Variants in PCDH11X observed in about 807,000 individuals in gnomAD.
PCDH11X encodes the protein protocadherin-11 X-linked.
PCDH11X carries 18 observed loss-of-function variants against 53.3 expected under a neutral mutation model. That is an observed-to-expected ratio of 0.34 (90% CI 0.23 to 0.50). The LOEUF (loss-of-function observed/expected upper bound fraction) is 0.50. Among genes scored for constraint, PCDH11X ranks in the 20% least tolerant of loss-of-function variants. The pLI is 0.98. For missense variants in PCDH11X, 570 were observed against 1,032.4 expected (o/e 0.55, Z 6.14); for synonymous variants, 279 against 393.3 (o/e 0.71, Z 3.44).
intron 6 of PCDH11X, among the ~76,000 whole-genome samples, chrX:92,017,864 G>C (rs2062822053): frequency 9.8e-6 from 1 of 102,552 alleles, no homozygotes; most frequent in South Asian, 4.5e-4. Flanking sequence ...TAAACCTTCA[G>C]ATTAAAAAAA....
rs751322824 is a variant in PCDH11X, at chrX:92,368,538, C to T, written c.3145-19197C>T. On this transcript the variant is annotated intron_variant, in intron 8 of 10. Transcript: ENST00000682573. ...TTCTCCATCCAGTTTTGTGCCCTTG[C>T]TGGAGAGGAGTTGCGATCATTTGGA... 7.2e-5 allele frequency among the ~76,000 whole-genome samples: 8 copies of T among 111,399 alleles called. No individual in the cohort carries two copies. The South Asian group carries it at 3.0e-3, about 42-fold the overall frequency.
intron 6 of PCDH11X, among the ~76,000 whole-genome samples, chrX:91,993,237 G>A (rs1375011901): frequency 2.7e-5 from 3 of 112,853 alleles, no homozygotes; most frequent in Non-Finnish European, 5.6e-5. Flanking sequence ...ATTTGTTAAA[G>A]TTTAGAGTCC....
rs761752432 is a variant in PCDH11X, at chrX:92,334,737, A to G, written c.3145-52998A>G. Among the ~76,000 whole-genome samples, 17 of 112,003 alleles carry G rather than the reference A, an allele frequency of 1.5e-4. 1 individual carries two copies. The South Asian group carries it at 3.0e-3, about 20-fold the overall frequency. ...GATTCATCTTGTAAACAGACAAGAT[A>G]AACTTATAGTATCGAGAAACACAAT... On this transcript the variant is annotated intron_variant, in intron 8 of 10. Transcript: ENST00000682573.
intron 8 of PCDH11X, among the ~76,000 whole-genome samples, chrX:92,369,279 C>T (rs752363726): frequency 1.8e-5 from 2 of 109,645 alleles, no homozygotes; most frequent in Admixed American, 9.6e-5. Flanking sequence ...GGTGAATTTG[C>T]CCAGTCCACA....
intron 6 of PCDH11X, among the ~76,000 whole-genome samples, chrX:91,971,866 A>T (rs955031259): frequency 9.0e-6 from 1 of 111,515 alleles, no homozygotes; most frequent in African/African-American, 3.3e-5. Context: ...TACATGTAAG[A>T]CATACTTTAG....
At chrX:92,108,914 G>A (rs1022218457) in intron 6 of PCDH11X, among the ~76,000 whole-genome samples, 3 of 111,459 alleles carry the variant, frequency 2.7e-5, no homozygotes, top group Admixed American at 1.9e-4. Context: ...TACTGTAACC[G>A]CCCAACGGGT....
intron 10 of PCDH11X, among the ~76,000 whole-genome samples, chrX:92,480,430 C>T (rs1255570767): frequency 1.8e-5 from 2 of 110,530 alleles, no homozygotes; most frequent in Non-Finnish European, 1.9e-5. Flanking sequence ...GACACTGTGG[C>T]TTTTAGAGTT....
intron 10 of PCDH11X, among the ~76,000 whole-genome samples, chrX:92,537,468 TC>T (rs1392886933): frequency 4.5e-5 from 5 of 110,347 alleles, no homozygotes; most frequent in African/African-American, 1.6e-4. Context: ...GCAATCTCTA[TC>T]AAAATACCAA....
Position 91,878,853 on chromosome X carries a change from AAAG to A in PCDH11X, c.2623_2625del (p.Lys875del), listed in dbSNP as rs770912377. ...AGATGATAATGATGAAGAAAAAGAA[AAAG>A]AAGAAGAAGCATTCCCCTAAGAACT... On this transcript the variant is annotated inframe_deletion, in exon 6 of 11. Coordinates refer to ENST00000682573, the MANE Select transcript of PCDH11X (RefSeq NM_032968.5). 12 of 1,209,669 alleles carry A rather than the reference AAAG, an allele frequency of 9.9e-6. 1 individual carries two copies. Among genetic ancestry groups the A allele is most frequent in the African/African-American group, 8.8e-5 (5 of 57,104 alleles).
At chrX:92,316,500 CT>C (rs1274083139) in intron 8 of PCDH11X, among the ~76,000 whole-genome samples, 1 of 110,925 alleles carries the variant, frequency 9.0e-6, no homozygotes, top group Admixed American at 9.7e-5. Flanking sequence ...TAATTGGACA[CT>C]TTTTTCATAA....
chrX:91,972,104 C>G (rs2061969103), intron 6 of PCDH11X, among the ~76,000 whole-genome samples: 1 of 107,060 alleles, frequency 9.3e-6, no homozygotes, highest in African/African-American at 3.4e-5. Context: ...TCCTCTCCAG[C>G]ACCTGTTGTT....
In PCDH11X at chrX:92,345,855, A is replaced by AGC. The variant is rs765882375; in HGVS notation, c.3145-41879_3145-41878dup. ...ATTGAAAGCTAATTAGACACCCCTGAGCACATATCAGAAACGTATCAAAGT... is the reference window on the plus strand; with the variant it reads ...ATTGAAAGCTAATTAGACACCCCTGAGCGCACATATCAGAAACGTATCAAAGT... On this transcript the variant is annotated intron_variant, in intron 8 of 10. Coordinates refer to ENST00000682573, the MANE Select transcript of PCDH11X (RefSeq NM_032968.5). Among the ~76,000 whole-genome samples, 8 of 107,993 alleles carry AGC rather than the reference A, an allele frequency of 7.4e-5. No homozygotes were observed. In the South Asian group the frequency reaches 3.2e-3, roughly 43 times the overall value. 93.8% of individuals were successfully genotyped at this position (107,993 alleles called of 115,157 possible).
intron 8 of PCDH11X, among the ~76,000 whole-genome samples, chrX:92,349,869 G>A (rs2755401): frequency 0.12 from 12,211 of 104,443 alleles, 896 homozygotes; most frequent in African/African-American, 0.17. Flanking sequence ...AAGGTAGGCT[G>A]GGCTAAGCCA....
chrX:91,824,413 A>G (rs1285668520), intron 4 of PCDH11X, among the ~76,000 whole-genome samples: 12 of 109,354 alleles, frequency 1.1e-4, no homozygotes, highest in Non-Finnish European at 2.3e-4. Flanking sequence ...TTCTCACTTC[A>G]TTTCATTCAT....
At chrX:92,194,805 G>A (rs2066266199) in intron 6 of PCDH11X, among the ~76,000 whole-genome samples, 1 of 110,613 alleles carries the variant, frequency 9.0e-6, no homozygotes, top group Non-Finnish European at 1.9e-5. Context: ...TCAGAGTTCT[G>A]CACAGAAACA....
Position 92,439,606 on chromosome X carries a change from CTATT to C in PCDH11X, c.3344-28690_3344-28687del, listed in dbSNP as rs1382154114. On this transcript the variant is annotated intron_variant, in intron 9 of 10. Transcript: ENST00000682573. Reference sequence around the variant, plus strand: ...ATTTTTCTATGTATAAAGACATAAACTATTTAAATAATCACTGCTTGACTCATTT... The same window carrying C: ...ATTTTTCTATGTATAAAGACATAAACTAAATAATCACTGCTTGACTCATTT... Among the ~76,000 whole-genome samples the C allele has an allele frequency of 1.0e-4, 11 of 110,171 alleles. No individual in the cohort carries two copies. In the South Asian group the frequency reaches 3.5e-3, roughly 35 times the overall value.
intron 6 of PCDH11X, among the ~76,000 whole-genome samples, chrX:91,890,267 G>T (rs1940414315): frequency 9.0e-6 from 1 of 111,500 alleles, no homozygotes; most frequent in Non-Finnish European, 1.9e-5. Flanking sequence ...AAGAAAGCTT[G>T]TTAAAAGATT....
At chrX:91,793,446 C>G (rs1049233228) in intron 1 of PCDH11X, among the ~76,000 whole-genome samples, 2 of 110,046 alleles carry the variant, frequency 1.8e-5, no homozygotes, top group Non-Finnish European at 3.8e-5. Context: ...TTCGGCAAAA[C>G]TATTGTAATA....
intron 7 of PCDH11X, among the ~76,000 whole-genome samples, chrX:92,209,224 T>G (rs2066535996): frequency 8.9e-6 from 1 of 111,809 alleles, no homozygotes; most frequent in South Asian, 3.7e-4. Context: ...TTTTAACTCA[T>G]TCTAGCTATT....
Sources: gnomAD v4.1 joint callset for allele counts (sites outside exome capture counted in the v4.1 genomes callset) on GRCh38, gnomAD v4.1.1 for gene constraint, MANE v1.5 for transcripts, NCBI Gene and HGNC (gene_info 2026-07-23, HGNC 2026-07-21) for gene names.